The following FGF13 variants were observed in gnomAD, a reference collection of about 807,000 sequenced individuals.
FGF13 encodes fibroblast growth factor 13.
A neutral mutation model predicts 19.5 loss-of-function variants in FGF13; 2 were observed. The ratio of observed to expected loss-of-function variants is 0.10; its 90% CI spans 0.04 to 0.32. The LOEUF (loss-of-function observed/expected upper bound fraction) is 0.32. FGF13 is among the 10% of genes least tolerant of loss of function. FGF13 has a pLI of 1.00. For missense variants in FGF13, 113 were observed against 192.7 expected, an observed-to-expected ratio of 0.59 and a Z score of 2.45; for synonymous variants, 72 against 76.9, an observed-to-expected ratio of 0.94 and a Z score of 0.33.
chrX:139,071,562 C>T (rs1341903613), intron 1 of FGF13, among the ~76,000 whole-genome samples: 1 of 111,755 alleles, frequency 8.9e-6, no homozygotes, highest in Non-Finnish European at 1.9e-5. Flanking sequence ...GCAGCCCATG[C>T]TTATTAAGAT....
chrX:138,743,550 T>C (rs1252741746), upstream of FGF13, among the ~76,000 whole-genome samples: 4 of 111,348 alleles, frequency 3.6e-5, no homozygotes, highest in African/African-American at 1.3e-4. Context: ...GGCATGTCAA[T>C]ATAGGTTCAT....
intron 1 of FGF13, among the ~76,000 whole-genome samples, chrX:138,994,670 C>A (rs910624475): frequency 9.1e-6 from 1 of 110,437 alleles, no homozygotes; most frequent in African/African-American, 3.3e-5. Context: ...TTAGAAAACA[C>A]CCCAAATTCA....
intron 1 of FGF13, among the ~76,000 whole-genome samples, chrX:139,016,674 C>T (rs776286232): frequency 1.8e-5 from 2 of 111,728 alleles, no homozygotes; most frequent in Non-Finnish European, 3.8e-5. Flanking sequence ...CACAACAGTA[C>T]TTGAGATGAC....
rs1462148293 is a variant in FGF13, at chrX:138,877,097, C to T, written c.-112-12447G>A. On this transcript the variant is annotated intron_variant, in intron 1 of 2. Coordinates refer to the FGF13 transcript ENST00000421460. ...CATGGACACCAGGTGGGGAACAACA[C>T]ACACCAGGGCCTGTCAGGGGGTGGT... 2.7e-5 allele frequency among the ~76,000 whole-genome samples: 3 copies of T among 111,535 alleles called. No individual in the cohort carries two copies. In the Admixed American group the frequency reaches 2.9e-4, roughly 11 times the overall value.
intron 1 of FGF13, among the ~76,000 whole-genome samples, chrX:139,123,973 G>T (rs886193479): frequency 1.8e-5 from 2 of 111,972 alleles, no homozygotes; most frequent in African/African-American, 6.5e-5. Flanking sequence ...GCCTATATAC[G>T]AGTAGGGAGT....
intron 1 of FGF13, among the ~76,000 whole-genome samples, chrX:138,982,544 T>C (rs1449103688): frequency 8.9e-6 from 1 of 112,209 alleles, no homozygotes; most frequent in Non-Finnish European, 1.9e-5. Context: ...AGTAACGCAT[T>C]TCTGCATGCA....
chrX:138,768,541 GTATGT>G (rs564997680), intron 3 of FGF13, among the ~76,000 whole-genome samples: 79 of 109,140 alleles, frequency 7.2e-4, no homozygotes, highest in African/African-American at 2.2e-3. Flanking sequence ...TCTTTTGTAT[GTATGT>G]TATATTTTAC....
rs546193234 is a variant in FGF13 at position 139,060,176 on chromosome X, A to G, written c.-113+143240T>C. Among the ~76,000 whole-genome samples, 56 of 111,485 alleles carry G rather than the reference A, an allele frequency of 5.0e-4. No homozygotes were observed. The South Asian group carries it at 0.021, about 42-fold the overall frequency. On this transcript the variant is annotated intron_variant, in intron 1 of 2. Transcript: ENST00000421460. ...GTGGAGAATTAATTCCTTTATGACAATGAGCCTTCCAAATCACTAAAATGG... is the reference window on the plus strand; with the variant it reads ...GTGGAGAATTAATTCCTTTATGACAGTGAGCCTTCCAAATCACTAAAATGG...
In FGF13 at chrX:138,878,030, A is replaced by G. The variant is rs2091400763; in HGVS notation, c.-112-13380T>C. ...AACTATTGTCCACAGTGACTGTACC[A>G]TTTTACATTTCCACCAACACCACAT... On this transcript the variant is annotated intron_variant, in intron 1 of 2. Transcript: ENST00000421460. Among the ~76,000 whole-genome samples, 4 of 111,556 alleles carry G rather than the reference A, an allele frequency of 3.6e-5. No individual in the cohort carries two copies. In the Admixed American group the frequency reaches 3.8e-4, roughly 11 times the overall value.
chrX:138,909,093 G>T (rs2091574010), intron 1 of FGF13, among the ~76,000 whole-genome samples: 1 of 112,063 alleles, frequency 8.9e-6, no homozygotes, highest in Non-Finnish European at 1.9e-5. Context: ...AGCTAGGTTT[G>T]CTGGGGGTTA....
At chrX:138,709,312 G>A (rs190238958) in intron 1 of FGF13, among the ~76,000 whole-genome samples, 3 of 112,175 alleles carry the variant, frequency 2.7e-5, no homozygotes, top group African/African-American at 9.7e-5. Flanking sequence ...ATTCAGAGTT[G>A]TCTGCCAACC....
intron 1 of FGF13, among the ~76,000 whole-genome samples, chrX:138,916,057 C>A (rs1309807216): frequency 8.9e-6 from 1 of 111,855 alleles, no homozygotes; most frequent in African/African-American, 3.3e-5. Context: ...TGGGTAATTT[C>A]TTTTTCAATT....
At chrX:138,851,450 T>C (rs998957452) in intron 3 of FGF13, among the ~76,000 whole-genome samples, 1 of 111,981 alleles carries the variant, frequency 8.9e-6, no homozygotes, top group Admixed American at 9.5e-5. Context: ...CATGAGATGG[T>C]ACCTCATTGT....
At chrX:138,810,922 A>G (rs770087054) in intron 3 of FGF13, among the ~76,000 whole-genome samples, 7 of 111,652 alleles carry the variant, frequency 6.3e-5, no homozygotes, top group Admixed American at 9.5e-5. Flanking sequence ...TTAGAATGGC[A>G]ATCATTAAAA....
chrX:139,093,129 C>T (rs1179185754), intron 1 of FGF13, among the ~76,000 whole-genome samples: 2 of 112,156 alleles, frequency 1.8e-5, no homozygotes, highest in Non-Finnish European at 3.8e-5. Flanking sequence ...ACCTGTGGAG[C>T]ACTATTTACT....
At chrX:138,899,150 T>C (rs2091518739) in intron 1 of FGF13, among the ~76,000 whole-genome samples, 1 of 111,630 alleles carries the variant, frequency 9.0e-6, no homozygotes, top group Non-Finnish European at 1.9e-5. Context: ...GTTGCTGCTT[T>C]GGCTTGCATA....
chrX:138,925,075 G>A (rs185490814), intron 1 of FGF13, among the ~76,000 whole-genome samples: 2 of 111,655 alleles, frequency 1.8e-5, no homozygotes, highest in East Asian at 5.7e-4. Flanking sequence ...AAGAATATGT[G>A]GAAAGCAGTG....
rs1043340306 is a variant in FGF13, at chrX:138,614,835, G to A, written c.*18015C>T. ...TAAACTATGGCACATCTCTACCATGGAATACTACACAGAAATTAAACATAT... is the reference window on the plus strand; with the variant it reads ...TAAACTATGGCACATCTCTACCATGAAATACTACACAGAAATTAAACATAT... On this transcript the variant is annotated 3_prime_UTR_variant, in exon 5 of 5. Coordinates refer to ENST00000315930, the MANE Select transcript of FGF13 (RefSeq NM_004114.5). The A allele has an allele frequency of 1.8e-5, 2 of 111,635 alleles. No individual in the cohort carries two copies. The highest frequency in any genetic ancestry group is 6.5e-5 in the African/African-American group (2 of 30,698). The allele number at this position is 111,635 out of a possible 1,213,427, so 9.2% of individuals were successfully genotyped here. A position where few individuals can be genotyped will look rare whatever the true frequency, so the allele number is the denominator to read the frequency against.
intron 3 of FGF13, among the ~76,000 whole-genome samples, chrX:138,850,412 A>G (rs2091213815): frequency 8.9e-6 from 1 of 112,096 alleles, no homozygotes; most frequent in Non-Finnish European, 1.9e-5. Flanking sequence ...TAATGTTATC[A>G]GGACATAAGC....
Sources: allele counts gnomAD v4.1 joint callset (sites outside exome capture counted in the v4.1 genomes callset), GRCh38; gene constraint gnomAD v4.1.1; transcripts MANE v1.5; gene names NCBI Gene and HGNC (gene_info 2026-07-23, HGNC 2026-07-21).